The following DLEU7 variants were observed in gnomAD, a reference collection of about 807,000 sequenced individuals.
DLEU7 encodes the protein leukemia-associated protein 7.
Under a neutral mutation model 16.0 loss-of-function variants are expected in DLEU7, and 17 were observed. That is an observed-to-expected ratio of 1.06 (90% CI 0.73 to 1.59). The LOEUF (loss-of-function observed/expected upper bound fraction) is 1.59. Ranked by LOEUF, DLEU7 falls within the 40% of genes most tolerant of loss-of-function variation. The pLI, the probability that DLEU7 is intolerant of heterozygous loss-of-function variation, is 0.00. For missense variants in DLEU7, 308 were observed against 314.9 expected (o/e 0.98, Z 0.17); for synonymous variants, 113 against 139.8 (o/e 0.81, Z 1.35).
At chr13:50,722,663 A>G (rs74078055) in intron 1 of DLEU7, among the ~76,000 whole-genome samples, 4 of 152,356 alleles carry the variant, frequency 2.6e-5, no homozygotes, top group African/African-American at 9.6e-5. Flanking sequence ...CCTTCACAGA[A>G]TTCTCTACCA....
intron 1 of DLEU7, among the ~76,000 whole-genome samples, chr13:50,764,354 A>G (rs1440227627): frequency 6.6e-6 from 1 of 152,240 alleles, no homozygotes; most frequent in East Asian, 1.9e-4. Flanking sequence ...GAAAAATAAT[A>G]TAGTTCCACC....
intron 1 of DLEU7, among the ~76,000 whole-genome samples, chr13:50,771,722 GAGA>G (rs1875320601): frequency 6.6e-6 from 1 of 152,166 alleles, no homozygotes; most frequent in Non-Finnish European, 1.5e-5. Flanking sequence ...ATGTGGTGCT[GAGA>G]AGAATGTATA....
Position 50,843,155 on chromosome 13 carries a change from C to A in DLEU7, c.459+33G>T, listed in dbSNP as rs779956707. On this transcript the variant is annotated intron_variant, in intron 1 of 1. Transcript: ENST00000504404. The surrounding 1 kb of genome is among the most constrained non-coding windows in gnomAD (Gnocchi z 5.7). ...CCTTGGAGGATGGGAGGTTACCCTG[C>A]ACGCCAGAGGGGATGGCGGGGGCCA... The A allele has an allele frequency of 1.9e-6, 3 of 1,567,166 alleles. No homozygotes were observed. Among genetic ancestry groups the A allele is most frequent in the East Asian group, 2.5e-5 (1 of 40,328 alleles).
chr13:50,767,272 A>G (rs1875143582), intron 1 of DLEU7, among the ~76,000 whole-genome samples: 1 of 152,006 alleles, frequency 6.6e-6, no homozygotes, highest in Admixed American at 6.6e-5. Context: ...TGGCTAACAC[A>G]GTGAAACCCC....
intron 1 of DLEU7, among the ~76,000 whole-genome samples, chr13:50,739,007 A>ACACG: frequency 1.2e-5 from 1 of 83,934 alleles, no homozygotes; most frequent in African/African-American, 8.5e-5. Flanking sequence ...ACACACACGC[A>ACACG]CACACACACA....
At chr13:50,838,029 A>C (rs1020100266) in intron 1 of DLEU7, among the ~76,000 whole-genome samples, 1 of 152,172 alleles carries the variant, frequency 6.6e-6, no homozygotes. Flanking sequence ...AAATTGATAG[A>C]AACAGGTCCA....
At chr13:50,746,993 T>A (rs1327740715) in intron 1 of DLEU7, among the ~76,000 whole-genome samples, 2 of 152,162 alleles carry the variant, frequency 1.3e-5, no homozygotes, top group African/African-American at 4.8e-5. Flanking sequence ...AATATAAGCA[T>A]CTTTGTGAAA....
Position 50,739,101 on chromosome 13 carries a change from A to G in DLEU7, c.460-25861T>C, listed in dbSNP as rs546551109. ...GGCTTTACCAGGGACCTACCCTACC[A>G]GGAATGCTCTTCCTTTATTTCCTCC... On this transcript the variant is annotated intron_variant, in intron 1 of 1. Transcript: ENST00000400393. Among the ~76,000 whole-genome samples the G allele has an allele frequency of 4.8e-4, 73 of 152,176 alleles. 1 individual carries two copies. In the South Asian group the frequency reaches 5.0e-3, roughly 10 times the overall value.
At chr13:50,767,930 G>A (rs1233872953) in intron 1 of DLEU7, among the ~76,000 whole-genome samples, 1 of 152,202 alleles carries the variant, frequency 6.6e-6, no homozygotes, top group Non-Finnish European at 1.5e-5. Flanking sequence ...CATGTCAGCA[G>A]TCCCACGGGA....
chr13:50,822,241 T>C (rs1876929038), downstream of DLEU7, among the ~76,000 whole-genome samples: 1 of 152,118 alleles, frequency 6.6e-6, no homozygotes, highest in African/African-American at 2.4e-5. Context: ...AGGATTAGAG[T>C]GGGTGAGATT....
chr13:50,769,121 CT>C (rs986592459), intron 1 of DLEU7, among the ~76,000 whole-genome samples: 3 of 151,954 alleles, frequency 2.0e-5, no homozygotes, highest in African/African-American at 7.2e-5. Flanking sequence ...TGCCCATTTT[CT>C]TGATGAGATT....
At chr13:50,835,791 ATTCT>A in intron 1 of DLEU7, among the ~76,000 whole-genome samples, 1 of 152,354 alleles carries the variant, frequency 6.6e-6, no homozygotes, top group South Asian at 2.1e-4. Flanking sequence ...CACATCTGGA[ATTCT>A]TGAACAACTG....
intron 1 of DLEU7, among the ~76,000 whole-genome samples, chr13:50,761,411 G>T (rs1874926551): frequency 7.2e-6 from 1 of 139,328 alleles, no homozygotes; most frequent in South Asian, 2.2e-4. Context: ...ACAGTTAGGG[G>T]CTAATGTCAT....
rs138993825 is a variant in DLEU7, at chr13:50,768,662, A to G, written c.460-55422T>C. On this transcript the variant is annotated intron_variant, in intron 1 of 1. Transcript: ENST00000400393. ...GTAGTCCATAGTATATATGTGCTACATTTTCTTAATCCAGTCTATCATTTA... is the reference window on the plus strand; with the variant it reads ...GTAGTCCATAGTATATATGTGCTACGTTTTCTTAATCCAGTCTATCATTTA... 1.3e-3 allele frequency among the ~76,000 whole-genome samples: 202 copies of G among 152,248 alleles called. 2 individuals are homozygous for G. Among genetic ancestry groups the G allele is most frequent in the Non-Finnish European group, 1.2e-4 (8 of 68,004 alleles).
At chr13:50,800,938 A>G (rs962452749) in intron 1 of DLEU7, among the ~76,000 whole-genome samples, 1 of 152,130 alleles carries the variant, frequency 6.6e-6, no homozygotes, top group Non-Finnish European at 1.5e-5. Flanking sequence ...CCATGTGGAC[A>G]GTATCTAGAG....
At chr13:50,727,975 T>A (rs895036495) in intron 1 of DLEU7, among the ~76,000 whole-genome samples, 3 of 152,190 alleles carry the variant, frequency 2.0e-5, no homozygotes, top group Non-Finnish European at 2.9e-5. Context: ...TCTTAGTAGA[T>A]CTGGGGTGGT....
intron 1 of DLEU7, among the ~76,000 whole-genome samples, chr13:50,835,224 A>T (rs941885274): frequency 2.0e-5 from 3 of 152,038 alleles, no homozygotes; most frequent in African/African-American, 4.8e-5. Context: ...CACTCATCAG[A>T]CTCGGCCCAG....
At chr13:50,770,027 GAAGC>G (rs1316614729) in intron 1 of DLEU7, among the ~76,000 whole-genome samples, 1 of 152,104 alleles carries the variant, frequency 6.6e-6, no homozygotes, top group Non-Finnish European at 1.5e-5. Flanking sequence ...TATTCTCTTT[GAAGC>G]AATTGTGAAT....
At chr13:50,795,446 G>A (rs1380765135) in intron 1 of DLEU7, among the ~76,000 whole-genome samples, 1 of 152,182 alleles carries the variant, frequency 6.6e-6, no homozygotes, top group Non-Finnish European at 1.5e-5. Flanking sequence ...CCTGACCTTG[G>A]TTCTCTTCAT....
Sources: allele counts gnomAD v4.1 joint callset (sites outside exome capture counted in the v4.1 genomes callset), GRCh38; gene constraint gnomAD v4.1.1; non-coding constraint Gnocchi (gnomAD v3.1); transcripts MANE v1.5; gene names NCBI Gene and HGNC (gene_info 2026-07-23, HGNC 2026-07-21).